Variants in HMGXB3 observed in about 807,000 individuals in gnomAD.
HMGXB3 encodes HMG-box containing 3, also known as HMG domain-containing protein 3.
HMGXB3 carries 45 observed loss-of-function variants against 121.5 expected under a neutral mutation model. The observed-to-expected ratio is 0.37, with a 90% CI of 0.29 to 0.47. The LOEUF is 0.47. Among genes scored for constraint, HMGXB3 ranks in the 20% least tolerant of loss-of-function variants. The pLI, the probability that HMGXB3 is intolerant of heterozygous loss-of-function variation, is 0.99. For synonymous variants in HMGXB3, 590 were observed against 624.1 expected, an observed-to-expected ratio of 0.95 and a Z score of 0.81; for missense variants, 1,376 against 1,602.2, an observed-to-expected ratio of 0.86 and a Z score of 2.41.
rs566396436 is a variant in HMGXB3, at chr5:150,047,635, G to T, written c.2962G>T (p.Ala988Ser). The T allele has an allele frequency of 1.3e-6, 2 of 1,551,672 alleles. No individual in the cohort carries two copies. Among genetic ancestry groups the T allele is most frequent in the African/African-American group, 2.7e-5 (2 of 73,172 alleles). Residue 988 changes from alanine (A) to serine (S), a missense_variant, in exon 17 of 20, where the codon GCC becomes TCC. Physicochemically the swap from Ala to Ser is moderately conservative, Grantham distance 99. Around this residue, in one of 2 missense-constraint regions of HMGXB3, gnomAD observed 1,116 missense variants for 1,369.0 expected, o/e 0.82. Transcript: ENST00000502717. ...GTTGTCTCTTGCAGGCAGTGGCAGTGCCTTGGTGAGGCTGCTCCAGGAGGG... is the reference window on the plus strand; with the variant it reads ...GTTGTCTCTTGCAGGCAGTGGCAGTTCCTTGGTGAGGCTGCTCCAGGAGGG... ...DVQPVPGSGS[A>S]LVRLLQEGTC...
chr5:150,010,070 A>G, intron 3 of HMGXB3, 41 bp from the exon 4 acceptor site: 2 of 1,528,528 alleles, frequency 1.3e-6, no homozygotes, highest in Non-Finnish European at 1.8e-6. Context: ...TAGTCCATTT[A>G]TCTCTGCTTG....
chr5:150,021,250 T>C (rs1343799608), intron 6 of HMGXB3, among the ~76,000 whole-genome samples: 3 of 152,202 alleles, frequency 2.0e-5, no homozygotes, highest in Admixed American at 6.5e-5. Flanking sequence ...TTACCATCAG[T>C]GCACTTAGAA....
At chr5:150,018,021 C>G (rs1302828519) in intron 5 of HMGXB3, among the ~76,000 whole-genome samples, 1 of 152,128 alleles carries the variant, frequency 6.6e-6, no homozygotes, top group Non-Finnish European at 1.5e-5. Flanking sequence ...GACCATGGAT[C>G]TATTTTTATT....
chr5:150,019,150 A>G (rs980450570), intron 6 of HMGXB3, among the ~76,000 whole-genome samples: 1 of 151,992 alleles, frequency 6.6e-6, no homozygotes, highest in East Asian at 1.9e-4. Context: ...CTCCAATACT[A>G]TAATATTTTG....
In HMGXB3 at chr5:150,026,616, A is replaced by G. The variant is rs564713662; in HGVS notation, c.1461-90A>G. On this transcript the variant is annotated intron_variant, in intron 7 of 19. Transcript: ENST00000502717. ...AGCTTGACAGTTTAACCCCAATACT[A>G]TCCTCTAAGAAAGCACTATGTAGAG... 4.5e-6 allele frequency: 5 copies of G among 1,122,826 alleles called. No homozygotes were observed. The African/African-American group carries it at 6.3e-5, about 14-fold the overall frequency. The allele number at this position is 1,122,826 out of a possible 1,614,324, so 69.6% of individuals were successfully genotyped here.
rs1756514638 is a variant in HMGXB3, at chr5:150,036,939, T to TAAGC, written c.2285+4_2285+7dup. 6.5e-7 allele frequency: 1 copy of TAAGC among 1,548,406 alleles called. No homozygotes were observed. Among genetic ancestry groups the TAAGC allele is most frequent in the Admixed American group, 2.0e-5 (1 of 50,854 alleles). On this transcript the variant is annotated splice_region_variant and intron_variant, in intron 12 of 19. Coordinates refer to ENST00000502717, the MANE Select transcript of HMGXB3 (RefSeq NM_014983.3). ...CCCATTATTCAAAGGGGGACAAAAG[T>TAAGC]AAGCACCCCTTAACTCTGCCCCTAG...
intron 5 of HMGXB3, among the ~76,000 whole-genome samples, chr5:150,018,094 G>A (rs1004518833): frequency 6.6e-6 from 1 of 152,188 alleles, no homozygotes; most frequent in Non-Finnish European, 1.5e-5. Flanking sequence ...GAAGTATTTA[G>A]AGCCAGAGGG....
chr5:150,026,939 TGG>T (rs1321781660), intron 8 of HMGXB3, 58 bp downstream of exon 8: 2 of 1,519,778 alleles, frequency 1.3e-6, no homozygotes, highest in East Asian at 5.0e-5. Context: ...GGGACAGGAG[TGG>T]GGGGTTGAGA....
At chr5:150,037,649 G>A (rs1383977840) in intron 13 of HMGXB3, 122 bp downstream of exon 13, 10 of 811,586 alleles carry the variant, frequency 1.2e-5, no homozygotes, top group African/African-American at 1.8e-5. Context: ...TGAGGAAGGG[G>A]GAGTCTTCTT....
At chr5:150,044,932 T>C (rs774406045) in intron 15 of HMGXB3, among the ~76,000 whole-genome samples, 1 of 152,154 alleles carries the variant, frequency 6.6e-6, no homozygotes. Context: ...GCTGATGATG[T>C]GTGGGAGGAT....
chr5:150,029,445 A>G (rs1756321802), intron 9 of HMGXB3, among the ~76,000 whole-genome samples: 1 of 152,066 alleles, frequency 6.6e-6, no homozygotes, highest in African/African-American at 2.4e-5. Context: ...TGTGAGCTAT[A>G]AAAGGATCTC....
At chr5:150,007,229 A>G (rs1755724146) in intron 3 of HMGXB3, among the ~76,000 whole-genome samples, 1 of 152,264 alleles carries the variant, frequency 6.6e-6, no homozygotes, top group South Asian at 2.1e-4. Flanking sequence ...AGGACTAACA[A>G]GGAAGCATTT....
intron 11 of HMGXB3, among the ~76,000 whole-genome samples, chr5:150,035,261 G>C (rs1561876333): frequency 6.6e-6 from 1 of 152,094 alleles, no homozygotes; most frequent in African/African-American, 2.4e-5. Context: ...ATCTTTTTTG[G>C]TGAGGGCCTC....
chr5:150,044,054 C>T (rs1756699005), intron 15 of HMGXB3, among the ~76,000 whole-genome samples: 1 of 152,178 alleles, frequency 6.6e-6, no homozygotes, highest in Admixed American at 6.5e-5. Context: ...CTCCTCTGTC[C>T]CAGAATGGAG....
At chr5:150,035,691 C>G (rs1489553079) in intron 11 of HMGXB3, among the ~76,000 whole-genome samples, 1 of 151,984 alleles carries the variant, frequency 6.6e-6, no homozygotes, top group Non-Finnish European at 1.5e-5. Flanking sequence ...GGGGTGCACT[C>G]AGAGAACACA....
At chr5:150,010,070 A>C in intron 3 of HMGXB3, 41 bp from the exon 4 acceptor site, 1 of 1,528,528 alleles carries the variant, frequency 6.5e-7, no homozygotes. Flanking sequence ...TAGTCCATTT[A>C]TCTCTGCTTG....
At chr5:150,018,168 C>T (rs1278264573) in intron 5 of HMGXB3, among the ~76,000 whole-genome samples, 1 of 152,214 alleles carries the variant, frequency 6.6e-6, no homozygotes, top group Non-Finnish European at 1.5e-5. Context: ...CTAGGTCTAG[C>T]TCTGCCCTTG....
At chr5:150,046,004 G>A (rs1375621575) in intron 16 of HMGXB3, among the ~76,000 whole-genome samples, 1 of 152,216 alleles carries the variant, frequency 6.6e-6, no homozygotes, top group Non-Finnish European at 1.5e-5. Flanking sequence ...CATTGAGCAA[G>A]TGTAGGGGCA....
At chr5:150,031,750 A>G (rs1415195192) in intron 10 of HMGXB3, among the ~76,000 whole-genome samples, 1 of 152,178 alleles carries the variant, frequency 6.6e-6, no homozygotes, top group Non-Finnish European at 1.5e-5. Flanking sequence ...AAAAATATTT[A>G]TTGAGCACAT....
Sources: gnomAD v4.1 joint callset for allele counts (sites outside exome capture counted in the v4.1 genomes callset) on GRCh38, gnomAD v4.1.1 for gene constraint, gnomAD v4.1.1 regional missense constraint, MANE v1.5 for transcripts, NCBI Gene and HGNC (gene_info 2026-07-23, HGNC 2026-07-21) for gene names.